SPOP: variants seen among roughly 807,000 people sequenced by gnomAD.
The protein encoded by SPOP is speckle type BTB/POZ protein, also known as speckle-type POZ protein.
Under a neutral mutation model 45.6 loss-of-function variants are expected in SPOP, and 11 were observed. The ratio of observed to expected loss-of-function variants is 0.24; its 90% confidence interval spans 0.15 to 0.40. The LOEUF (loss-of-function observed/expected upper bound fraction) is 0.40. Ranked by LOEUF, SPOP falls within the 10% of genes least tolerant of loss-of-function variation. The probability of loss-of-function intolerance (pLI) is 1.00; values close to 1 mark genes in which losing one functional copy is unlikely to be tolerated. For missense variants in SPOP, 152 were observed against 465.6 expected, an observed-to-expected ratio of 0.33 and a Z score of 6.20; for synonymous variants, 166 against 166.3, an observed-to-expected ratio of 1.00 and a Z score of 0.01.
At position 49,599,503 on chromosome 17, in the gene SPOP, T is replaced by G. The variant is rs2071699533; in HGVS notation, c.*875A>C. ...CTTCTTTTGTTCTGTTTTTGTTTTG[T>G]GTGTTTTTTTTTTTGTTTGTTTTTT... On this transcript the variant is annotated 3_prime_UTR_variant, in exon 10 of 10. Coordinates refer to ENST00000504102, the MANE Select transcript of SPOP (RefSeq NM_001007228.2). 6.0e-6 allele frequency: 1 copy of G among 165,986 alleles called. No individual in the cohort carries two copies. 10.3% of individuals were successfully genotyped at this position (165,986 alleles called of 1,614,324 possible). A position where few individuals can be genotyped will look rare whatever the true frequency, so the allele number is the denominator to read the frequency against.
intron 1 of SPOP, among the ~76,000 whole-genome samples, chr17:49,677,379 C>G (rs892018218): frequency 6.6e-6 from 1 of 152,216 alleles, no homozygotes; most frequent in African/African-American, 2.4e-5. Flanking sequence ...CTGGGAGTCT[C>G]TAGGGCAACA....
chr17:49,669,714 G>A (rs768180374), intron 1 of SPOP, among the ~76,000 whole-genome samples: 48 of 134,568 alleles, frequency 3.6e-4, no homozygotes, highest in African/African-American at 1.3e-3. Context: ...GCAGTGAGCC[G>A]AGATCGCACC....
At chr17:49,668,796 C>T (rs1162833637) in intron 1 of SPOP, among the ~76,000 whole-genome samples, 2 of 137,380 alleles carry the variant, frequency 1.5e-5, no homozygotes, top group South Asian at 2.2e-4. Context: ...TTTTTTGAGA[C>T]GGAGTCTCTC....
At chr17:49,668,393 C>T (rs544867422) in intron 1 of SPOP, among the ~76,000 whole-genome samples, 1 of 152,024 alleles carries the variant, frequency 6.6e-6, no homozygotes, top group East Asian at 1.9e-4. Context: ...TTACATGTAT[C>T]AACATAAATA....
At chr17:49,616,284 C>A (rs949206678) in intron 5 of SPOP, among the ~76,000 whole-genome samples, 1 of 152,154 alleles carries the variant, frequency 6.6e-6, no homozygotes, top group Non-Finnish European at 1.5e-5. Flanking sequence ...CTTGTGGCCT[C>A]TGGGAGCACC....
At position 49,669,465 on chromosome 17, in the gene SPOP, T is replaced by TA. The variant is rs1338594142; in HGVS notation, c.-67+8467dup. 1.8e-3 allele frequency among the ~76,000 whole-genome samples: 226 copies of TA among 123,652 alleles called. 1 individual carries two copies. The highest frequency in any genetic ancestry group is 7.7e-3 in the Admixed American group (93 of 12,068). The allele number at this position is 123,652 out of a possible 152,430, so 81.1% of individuals were successfully genotyped here. On this transcript the variant is annotated intron_variant, in intron 1 of 9. Transcript: ENST00000504102. ...AAAAGCAAGTTGTAGTACGGAATAT[T>TA]AAAAAAAAAAAAAAATTAAGACCAG...
chr17:49,646,557 C>A (rs2072762620), intron 1 of SPOP: 1 of 152,000 alleles, frequency 6.6e-6, no homozygotes, highest in South Asian at 2.1e-4. Context: ...GAGAAGCAAC[C>A]TGTGCATTTC....
chr17:49,620,083 T>C (rs1256083785), intron 3 of SPOP, among the ~76,000 whole-genome samples: 2 of 151,814 alleles, frequency 1.3e-5, no homozygotes, highest in Non-Finnish European at 2.9e-5. Flanking sequence ...GGCAGGAGAA[T>C]CGCTTGAACC....
chr17:49,657,548 G>A (rs1203839504), intron 1 of SPOP, among the ~76,000 whole-genome samples: 3 of 151,370 alleles, frequency 2.0e-5, no homozygotes, highest in Non-Finnish European at 2.9e-5. Context: ...ACATGCACCC[G>A]CCACCACGCC....
chr17:49,648,678 T>G (rs1235485164), intron 1 of SPOP, among the ~76,000 whole-genome samples: 1 of 152,196 alleles, frequency 6.6e-6, no homozygotes, highest in East Asian at 1.9e-4. Flanking sequence ...AATGCCCATT[T>G]CTACGTCAGA....
chr17:49,634,995 A>G (rs2072517259), intron 1 of SPOP, among the ~76,000 whole-genome samples: 1 of 152,220 alleles, frequency 6.6e-6, no homozygotes, highest in Non-Finnish European at 1.5e-5. Flanking sequence ...TTTCTTCCTG[A>G]AAGGCACCTA....
At chr17:49,649,295 T>A (rs2072806742) in intron 1 of SPOP, among the ~76,000 whole-genome samples, 1 of 151,958 alleles carries the variant, frequency 6.6e-6, no homozygotes, top group African/African-American at 2.4e-5. Flanking sequence ...CCCAGCACTT[T>A]GGGAACCAAG....
intron 1 of SPOP, among the ~76,000 whole-genome samples, chr17:49,647,478 A>G (rs978845193): frequency 5.3e-5 from 8 of 151,294 alleles, no homozygotes; most frequent in African/African-American, 1.9e-4. Context: ...TTTTTTTTAA[A>G]TTTTTTTATT....
intron 5 of SPOP, among the ~76,000 whole-genome samples, chr17:49,615,479 C>G (rs1290482688): frequency 6.6e-6 from 1 of 151,728 alleles, no homozygotes; most frequent in Non-Finnish European, 1.5e-5. Context: ...TTTAAACATG[C>G]CTTCATGTCT....
chr17:49,605,354 C>T (rs1424099274), intron 8 of SPOP, among the ~76,000 whole-genome samples: 4 of 152,168 alleles, frequency 2.6e-5, no homozygotes, highest in Admixed American at 6.5e-5. Context: ...TCCAGGGCCC[C>T]GCAAATACCA....
chr17:49,609,416 C>A (rs747130440), intron 6 of SPOP, among the ~76,000 whole-genome samples: 1 of 152,088 alleles, frequency 6.6e-6, no homozygotes, highest in Non-Finnish European at 1.5e-5. Flanking sequence ...TCCAAAGCAG[C>A]CAGGTCTTGA....
At chr17:49,614,742 T>C (rs1304676231) in intron 5 of SPOP, among the ~76,000 whole-genome samples, 2 of 151,916 alleles carry the variant, frequency 1.3e-5, no homozygotes, top group Non-Finnish European at 2.9e-5. Context: ...GATAAAAAGG[T>C]AAAAATGAAT....
chr17:49,645,708 C>G (rs1341645708), intron 1 of SPOP, among the ~76,000 whole-genome samples: 1 of 152,200 alleles, frequency 6.6e-6, no homozygotes, highest in Non-Finnish European at 1.5e-5. Context: ...GAACCAATCT[C>G]TCTTTTAATC....
intron 1 of SPOP, among the ~76,000 whole-genome samples, chr17:49,669,890 C>T (rs1007454890): frequency 6.6e-6 from 1 of 151,662 alleles, no homozygotes; most frequent in African/African-American, 2.4e-5. Context: ...ATATATAAAT[C>T]TCAATTTGAG....
Sources: allele counts gnomAD v4.1 joint callset (sites outside exome capture counted in the v4.1 genomes callset), GRCh38; gene constraint gnomAD v4.1.1; transcripts MANE v1.5; gene names NCBI Gene and HGNC (gene_info 2026-07-23, HGNC 2026-07-21).